TANC2: variants seen among roughly 807,000 people sequenced by gnomAD.
TANC2 encodes protein TANC2.
Under a neutral mutation model 210.5 loss-of-function variants are expected in TANC2, and 26 were observed. That is an observed-to-expected ratio of 0.12 (90% CI 0.09 to 0.17). The LOEUF is 0.17. Among genes scored for constraint, TANC2 ranks in the 10% least tolerant of loss-of-function variants. TANC2 has a pLI of 1.00. For synonymous variants in TANC2, 931 were observed against 967.1 expected (o/e 0.96, Z 0.69); for missense variants, 2,129 against 2,608.9 (o/e 0.82, Z 4.01).
intron 4 of TANC2, among the ~76,000 whole-genome samples, chr17:63,146,934 C>T (rs2039480684): frequency 1.3e-5 from 2 of 151,726 alleles, no homozygotes; most frequent in Admixed American, 6.6e-5. Flanking sequence ...CAAAATAGAC[C>T]CCATATGGTT....
At chr17:63,279,932 C>T (rs569039556) in intron 9 of TANC2, among the ~76,000 whole-genome samples, 27 of 151,998 alleles carry the variant, frequency 1.8e-4, no homozygotes, top group African/African-American at 6.0e-4. Context: ...CTGTTTTTTA[C>T]GAAAGATTAT....
intron 17 of TANC2, chr17:63,391,749 A>G (rs1489310791): frequency 1.4e-5 from 2 of 146,296 alleles, no homozygotes; most frequent in African/African-American, 5.0e-5. Context: ...TTTTTTAAAC[A>G]GAGCCTGGCT....
At chr17:63,189,991 T>C (rs760112559) in intron 5 of TANC2, among the ~76,000 whole-genome samples, 11 of 152,184 alleles carry the variant, frequency 7.2e-5, no homozygotes, top group Non-Finnish European at 1.3e-4. Flanking sequence ...CCCAACACCG[T>C]TGAAGAGATT....
chr17:63,258,158 G>A (rs1350594480), intron 8 of TANC2, among the ~76,000 whole-genome samples: 2 of 152,038 alleles, frequency 1.3e-5, no homozygotes, highest in South Asian at 2.1e-4. Context: ...TTTCTCATCA[G>A]CACTTTAAAT....
chr17:63,003,723 A>C (rs1311195439), intron 1 of TANC2, among the ~76,000 whole-genome samples: 3 of 152,180 alleles, frequency 2.0e-5, no homozygotes, highest in Non-Finnish European at 4.4e-5. Flanking sequence ...ATGTTTTGTG[A>C]ATAATTTTTC....
chr17:63,200,674 T>G, intron 6 of TANC2, 97 bp from the exon 7 acceptor site: 4 of 1,067,406 alleles, frequency 3.7e-6, no homozygotes, highest in Non-Finnish European at 5.4e-6. Flanking sequence ...AAGCTATGCA[T>G]GTAGTTTTTT....
chr17:63,291,370 A>G (rs979387924), intron 9 of TANC2, among the ~76,000 whole-genome samples: 1 of 152,172 alleles, frequency 6.6e-6, no homozygotes, highest in African/African-American at 2.4e-5. Context: ...AAGTCTATAC[A>G]CATTTCTCTG....
intron 9 of TANC2, among the ~76,000 whole-genome samples, chr17:63,268,199 C>T (rs1244840117): frequency 2.6e-5 from 4 of 152,170 alleles, no homozygotes; most frequent in South Asian, 2.1e-4. Flanking sequence ...GAAGTGACTG[C>T]GGACCAGATT....
At chr17:63,275,401 T>A (rs1327421062) in intron 9 of TANC2, among the ~76,000 whole-genome samples, 1 of 152,210 alleles carries the variant, frequency 6.6e-6, no homozygotes, top group Non-Finnish European at 1.5e-5. Context: ...CTGCCACAGT[T>A]AACTTGGTTT....
At chr17:63,318,845 A>T (rs2045399880) in intron 10 of TANC2, 112 bp from the exon 11 acceptor site, 1 of 1,237,606 alleles carries the variant, frequency 8.1e-7, no homozygotes, top group South Asian at 1.3e-5. Flanking sequence ...ATTTCTCTTA[A>T]GTATATACTT....
chr17:63,407,007 G>A lies in TANC2; in HGVS notation c.3589+730G>A, dbSNP rs369687471. Among the ~76,000 whole-genome samples the A allele has an allele frequency of 2.6e-5, 4 of 152,290 alleles. No homozygotes were observed. In the East Asian group the frequency reaches 5.8e-4, roughly 22 times the overall value. The stretch of plus-strand genomic sequence containing the variant: ...AGCCTCCACTATTAGTAAACTGGAC[G>A]CAAATGTCGGTAATTACATCCACAA... On this transcript the variant is annotated intron_variant, in intron 21 of 27. Transcript: ENST00000689528.
chr17:63,126,546 C>T (rs1333989396), intron 4 of TANC2, among the ~76,000 whole-genome samples: 1 of 152,040 alleles, frequency 6.6e-6, no homozygotes, highest in Admixed American at 6.6e-5. Context: ...GTAGCTGGGA[C>T]TACAGGTGCA....
At chr17:63,111,183 C>T (rs2038027828) in intron 4 of TANC2, among the ~76,000 whole-genome samples, 1 of 152,024 alleles carries the variant, frequency 6.6e-6, no homozygotes, top group Non-Finnish European at 1.5e-5. Flanking sequence ...GGTGTGGTGG[C>T]ATGCACCTGT....
At chr17:63,396,566 G>A (rs1175172461) in intron 18 of TANC2, 3 of 152,952 alleles carry the variant, frequency 2.0e-5, no homozygotes, top group Non-Finnish European at 4.4e-5. Context: ...GAACAGGGGT[G>A]TGTGTTTGTG....
intron 7 of TANC2, among the ~76,000 whole-genome samples, chr17:63,213,912 C>T (rs1355051383): frequency 6.6e-6 from 1 of 152,024 alleles, no homozygotes; most frequent in Non-Finnish European, 1.5e-5. Flanking sequence ...GAAAACAGAG[C>T]CTGAGACAAA....
chr17:63,025,587 G>A (rs2144061803), intron 2 of TANC2, among the ~76,000 whole-genome samples: 1 of 152,142 alleles, frequency 6.6e-6, no homozygotes, highest in East Asian at 1.9e-4. Context: ...CATGAGGCCA[G>A]GAGTTTAAGA....
chr17:63,268,299 C>T (rs529435596), intron 9 of TANC2, among the ~76,000 whole-genome samples: 2 of 152,214 alleles, frequency 1.3e-5, no homozygotes, highest in African/African-American at 2.4e-5. Context: ...CAAAATGCTT[C>T]GAAATCCAAA....
intron 5 of TANC2, among the ~76,000 whole-genome samples, chr17:63,164,340 A>G (rs2040133218): frequency 6.6e-6 from 1 of 152,064 alleles, no homozygotes; most frequent in Non-Finnish European, 1.5e-5. Context: ...AGATTTTTCT[A>G]AACCCAGACC....
intron 4 of TANC2, among the ~76,000 whole-genome samples, chr17:63,118,299 C>CT (rs1172845692): frequency 6.6e-6 from 1 of 151,854 alleles, no homozygotes; most frequent in Non-Finnish European, 1.5e-5. Flanking sequence ...TATTTATTGT[C>CT]TTATTTTCTC....
Sources: allele counts gnomAD v4.1 joint callset (sites outside exome capture counted in the v4.1 genomes callset), GRCh38; gene constraint gnomAD v4.1.1; transcripts MANE v1.5; gene names NCBI Gene and HGNC (gene_info 2026-07-23, HGNC 2026-07-21).